The following MARCHF3 variants were observed in gnomAD, a reference collection of about 807,000 sequenced individuals.
The protein encoded by MARCHF3 is E3 ubiquitin-protein ligase MARCHF3.
Under a neutral mutation model 24.2 loss-of-function variants are expected in MARCHF3, and 13 were observed. That is an observed-to-expected ratio of 0.54 (90% confidence interval 0.35 to 0.85). The LOEUF (loss-of-function observed/expected upper bound fraction) is 0.85. Ranked by LOEUF, MARCHF3 falls within the 40% of genes least tolerant of loss-of-function variation. MARCHF3 has a pLI of 0.01. For missense variants in MARCHF3, 276 were observed against 325.0 expected, an observed-to-expected ratio of 0.85 and a Z score of 1.16; for synonymous variants, 144 against 137.3, an observed-to-expected ratio of 1.05 and a Z score of -0.34.
intron 1 of MARCHF3, among the ~76,000 whole-genome samples, chr5:127,007,323 AT>A (rs1012539249): frequency 2.6e-5 from 4 of 151,358 alleles, no homozygotes; most frequent in South Asian, 4.2e-4. Flanking sequence ...AGATACATGG[AT>A]TTTTTTTAAC....
chr5:126,938,742 C>T (rs1466658032), intron 1 of MARCHF3, among the ~76,000 whole-genome samples: 3 of 152,162 alleles, frequency 2.0e-5, no homozygotes, highest in African/African-American at 7.2e-5. Context: ...AGGCAGGAAA[C>T]TTCTGGGAGC....
intron 1 of MARCHF3, among the ~76,000 whole-genome samples, chr5:127,001,849 A>AAC (rs1165385851): frequency 6.6e-6 from 1 of 152,208 alleles, no homozygotes; most frequent in Non-Finnish European, 1.5e-5. Context: ...CCACTGATAT[A>AAC]ACATGCAGGA....
intron 1 of MARCHF3, among the ~76,000 whole-genome samples, chr5:126,997,399 A>G (rs1043277570): frequency 6.6e-6 from 1 of 152,222 alleles, no homozygotes; most frequent in Non-Finnish European, 1.5e-5. Context: ...CAGAATGAGA[A>G]GACAAGAAAA....
At chr5:126,883,890 A>G (rs1753421194) in intron 3 of MARCHF3, among the ~76,000 whole-genome samples, 1 of 152,244 alleles carries the variant, frequency 6.6e-6, no homozygotes, top group Non-Finnish European at 1.5e-5. Context: ...CTCCTTAATG[A>G]GAAACCATCA....
At chr5:127,015,827 G>T (rs1483886750) in intron 1 of MARCHF3, among the ~76,000 whole-genome samples, 3 of 152,080 alleles carry the variant, frequency 2.0e-5, no homozygotes, top group Non-Finnish European at 2.9e-5. Flanking sequence ...CAGAAACAAA[G>T]AATTCATAAG....
At chr5:126,909,995 C>T (rs1754460136) in intron 3 of MARCHF3, among the ~76,000 whole-genome samples, 2 of 152,206 alleles carry the variant, frequency 1.3e-5, no homozygotes, top group South Asian at 4.1e-4. Context: ...CTCTGACTCA[C>T]AGGGAACAGC....
At chr5:126,987,611 C>G (rs1170042405) in intron 1 of MARCHF3, among the ~76,000 whole-genome samples, 2 of 152,158 alleles carry the variant, frequency 1.3e-5, no homozygotes, top group South Asian at 2.1e-4. Context: ...TATGGAGAAC[C>G]CTACCTGATA....
chr5:126,903,919 C>T (rs1183609130), intron 3 of MARCHF3, among the ~76,000 whole-genome samples: 1 of 151,154 alleles, frequency 6.6e-6, no homozygotes, highest in Non-Finnish European at 1.5e-5. Flanking sequence ...CCTACTAACT[C>T]GTCATCTAGC....
chr5:126,870,608 AAAC>A lies in MARCHF3; in HGVS notation c.*22_*24del. The A allele has an allele frequency of 6.6e-7, 1 of 1,513,482 alleles. No individual in the cohort carries two copies. Among genetic ancestry groups the A allele is most frequent in the Non-Finnish European group, 8.7e-7 (1 of 1,151,152 alleles). The allele number at this position is 1,513,482 out of a possible 1,614,324, so 93.8% of individuals were successfully genotyped here. ...ACTTCCAAACCCCAAACAATGAATC[AAAC>A]AACCAACCAACCATACAAACATCAA... On this transcript the variant is annotated 3_prime_UTR_variant, in exon 5 of 5. Transcript: ENST00000308660.
intron 2 of MARCHF3, 112 bp downstream of exon 2, chr5:126,917,872 T>A: frequency 3.8e-6 from 4 of 1,050,790 alleles, no homozygotes; most frequent in Non-Finnish European, 5.4e-6. Context: ...CAGCACCTCC[T>A]CTCACCTGAC....
intron 1 of MARCHF3, among the ~76,000 whole-genome samples, chr5:126,993,949 T>C (rs962904741): frequency 2.0e-5 from 3 of 152,214 alleles, no homozygotes; most frequent in Non-Finnish European, 4.4e-5. Context: ...CTTTGGAAAA[T>C]GGTTCAGCAG....
chr5:126,959,063 C>T (rs1750548201), intron 1 of MARCHF3, among the ~76,000 whole-genome samples: 1 of 152,092 alleles, frequency 6.6e-6, no homozygotes, highest in Admixed American at 6.6e-5. Flanking sequence ...CCAACACTGA[C>T]CATAAGGAAG....
intron 3 of MARCHF3, among the ~76,000 whole-genome samples, chr5:126,894,615 C>T (rs1444790178): frequency 6.6e-6 from 1 of 151,750 alleles, no homozygotes; most frequent in African/African-American, 2.4e-5. Flanking sequence ...GAATATTGGC[C>T]CCCACTCTCT....
At position 126,885,063 on chromosome 5, in the gene MARCHF3, G is replaced by A. The variant is rs575990538; in HGVS notation, c.394-6669C>T. 9.9e-5 allele frequency among the ~76,000 whole-genome samples: 15 copies of A among 152,134 alleles called. No homozygotes were observed. The South Asian group carries it at 2.9e-3, about 30-fold the overall frequency. On this transcript the variant is annotated intron_variant, in intron 3 of 4. Coordinates refer to ENST00000308660, the MANE Select transcript of MARCHF3 (RefSeq NM_178450.5). ...TCATTATTTAGGTCTCAGCTCAAAC[G>A]GCACCTTCTCATGGAAAACACTCCC...
At chr5:126,886,533 C>A (rs892547018) in intron 3 of MARCHF3, among the ~76,000 whole-genome samples, 2 of 152,142 alleles carry the variant, frequency 1.3e-5, no homozygotes, top group African/African-American at 2.4e-5. Context: ...GATGCTGTGG[C>A]TTTGATGGAG....
intron 3 of MARCHF3, among the ~76,000 whole-genome samples, chr5:126,896,018 G>T (rs140571133): frequency 1.3e-5 from 2 of 152,154 alleles, no homozygotes; most frequent in Non-Finnish European, 2.9e-5. Flanking sequence ...CTGGTGCGCC[G>T]TTTTTTAAGC....
intron 1 of MARCHF3, among the ~76,000 whole-genome samples, chr5:127,026,783 A>G (rs1215450715): frequency 6.6e-6 from 1 of 152,228 alleles, no homozygotes; most frequent in African/African-American, 2.4e-5. Context: ...TCCTCAAAGG[A>G]TTGTTAAGGT....
At position 126,918,016 on chromosome 5, in the gene MARCHF3, C is replaced by G; in HGVS notation, c.156G>C (p.Leu52=). The G allele has an allele frequency of 3.1e-6, 5 of 1,614,144 alleles. No homozygotes were observed. The highest frequency in any genetic ancestry group is 4.2e-6 in the Non-Finnish European group (5 of 1,180,012). ...MQVSAKDGQL[L]STVVRTLATQ... is the part of the protein sequence containing the mutation. ...TGGCAAGAGTCCGCACTACTGTTGA[C>G]AGCAGCTGCCCGTCCTTGGCTGAAA... The change falls in exon 2 of 5, where the codon CTG becomes CTC. Residue 52 remains leucine (L), a synonymous_variant. Coordinates refer to ENST00000308660, the MANE Select transcript of MARCHF3 (RefSeq NM_178450.5).
At chr5:126,971,253 T>C (rs1399570202) in intron 1 of MARCHF3, among the ~76,000 whole-genome samples, 1 of 151,630 alleles carries the variant, frequency 6.6e-6, no homozygotes, top group African/African-American at 2.4e-5. Context: ...ATCAAGACCA[T>C]CCTGGCTAGC....
Sources: allele counts gnomAD v4.1 joint callset (sites outside exome capture counted in the v4.1 genomes callset), GRCh38; gene constraint gnomAD v4.1.1; transcripts MANE v1.5; gene names NCBI Gene and HGNC (gene_info 2026-07-23, HGNC 2026-07-21).